CTNNBL1: variants seen among roughly 807,000 people sequenced by gnomAD.
The protein encoded by CTNNBL1 is beta-catenin-like protein 1.
In CTNNBL1, 31 loss-of-function variants were observed where a neutral mutation model predicts 72.7. That is an observed-to-expected ratio of 0.43 (90% CI 0.32 to 0.58). CTNNBL1 has a LOEUF of 0.58. CTNNBL1 is among the 20% of genes least tolerant of loss of function. The pLI is 0.08. For missense variants in CTNNBL1, 534 were observed against 725.1 expected, an observed-to-expected ratio of 0.74 and a Z score of 3.03; for synonymous variants, 240 against 267.3, an observed-to-expected ratio of 0.90 and a Z score of 1.00.
At chr20:37,708,121 A>G (rs901101113) in intron 1 of CTNNBL1, among the ~76,000 whole-genome samples, 1 of 152,224 alleles carries the variant, frequency 6.6e-6, no homozygotes, top group Non-Finnish European at 1.5e-5. Context: ...ACATTGCAGT[A>G]ATTGTCAAAA....
chr20:37,785,480 G>A (rs1418893524), intron 10 of CTNNBL1, among the ~76,000 whole-genome samples: 1 of 152,088 alleles, frequency 6.6e-6, no homozygotes, highest in East Asian at 1.9e-4. Flanking sequence ...GTCTTTGACT[G>A]TATTTTCAAA....
intron 11 of CTNNBL1, among the ~76,000 whole-genome samples, chr20:37,814,304 C>G (rs938690901): frequency 6.6e-6 from 1 of 152,084 alleles, no homozygotes; most frequent in African/African-American, 2.4e-5. Flanking sequence ...GTCAGTAGTC[C>G]TGGCCCCAGT....
chr20:37,716,525 A>G (rs1407378081), intron 1 of CTNNBL1, among the ~76,000 whole-genome samples: 1 of 152,142 alleles, frequency 6.6e-6, no homozygotes, highest in East Asian at 1.9e-4. Flanking sequence ...AAATGGAGGT[A>G]TTTTGCTAGC....
intron 1 of CTNNBL1, among the ~76,000 whole-genome samples, chr20:37,700,666 T>C (rs2072833014): frequency 6.6e-6 from 1 of 152,226 alleles, no homozygotes; most frequent in Non-Finnish European, 1.5e-5. Context: ...GTGCCTTGGC[T>C]GAGAAGTTTC....
chr20:37,712,512 T>C (rs186233302), intron 1 of CTNNBL1, among the ~76,000 whole-genome samples: 302 of 152,372 alleles, frequency 2.0e-3, no homozygotes, highest in Non-Finnish European at 1.5e-3. Flanking sequence ...TTCTAGTTAC[T>C]TCCAGGCCAT....
At chr20:37,833,983 G>C (rs1378243364) in intron 11 of CTNNBL1, among the ~76,000 whole-genome samples, 1 of 152,182 alleles carries the variant, frequency 6.6e-6, no homozygotes, top group Non-Finnish European at 1.5e-5. Flanking sequence ...TCCAGATAGA[G>C]AGGTAGAAGG....
rs78232487 is a variant in CTNNBL1 at position 37,755,765 on chromosome 20, C to A, written c.467-1794C>A. 8.6e-3 allele frequency among the ~76,000 whole-genome samples: 1,306 copies of A among 152,170 alleles called. 18 individuals are homozygous for A. The highest frequency in any genetic ancestry group is 0.03 in the African/African-American group (1,233 of 41,532). ...GCCCTGATTCTGACCTTTGTTGAAT[C>A]TTCTGGATTCTGTTGTATGTAGTAG... On this transcript the variant is annotated intron_variant, in intron 4 of 15. Coordinates refer to ENST00000361383, the MANE Select transcript of CTNNBL1 (RefSeq NM_030877.5).
Position 37,779,198 on chromosome 20 carries a change from A to G in CTNNBL1, c.894A>G (p.Arg298=). 1 of 1,613,290 alleles carries G rather than the reference A, an allele frequency of 6.2e-7. No individual in the cohort carries two copies. The highest frequency in any genetic ancestry group is 8.5e-7 in the Non-Finnish European group (1 of 1,179,626). The change falls in exon 10 of 16, where the codon AGA becomes AGG. Residue 298 remains arginine (R), a synonymous_variant. Transcript: ENST00000361383. The part of the protein sequence containing the change: ...VLLQQLSVFK[R]HNPSTAEEQE... ...TTTTTGCTTGACAGGTGTTTAAAAG[A>G]CACAATCCCAGCACGGCTGAGGAGC...
intron 6 of CTNNBL1, among the ~76,000 whole-genome samples, chr20:37,766,558 G>T: frequency 6.6e-6 from 1 of 152,212 alleles, no homozygotes; most frequent in Admixed American, 6.5e-5. Flanking sequence ...TGGGAATGAA[G>T]AGGAAGAGCC....
chr20:37,802,947 A>T lies in CTNNBL1; in HGVS notation c.1112A>T (p.His371Leu). Residue 371 changes from histidine to leucine, a missense_variant, in exon 11 of 16, where the codon CAT becomes CTT. Physicochemically the swap from His to Leu is moderately conservative, Grantham distance 99. Coordinates refer to ENST00000361383, the MANE Select transcript of CTNNBL1 (RefSeq NM_030877.5). ...GGCCCCGAAGGCACAGACAACTGCC[A>T]TAAGTTTGTTGACATTCTTGGCTTA... ...MIGPEGTDNC[H>L]KFVDILGLRT... The T allele has an allele frequency of 6.2e-7, 1 of 1,614,142 alleles. No individual in the cohort carries two copies. The highest frequency in any genetic ancestry group is 1.1e-5 in the South Asian group (1 of 91,086).
chr20:37,718,702 T>C (rs2073015426), intron 1 of CTNNBL1, among the ~76,000 whole-genome samples: 1 of 152,210 alleles, frequency 6.6e-6, no homozygotes, highest in Admixed American at 6.5e-5. Flanking sequence ...CAGATGACAC[T>C]AGACTCTTCT....
chr20:37,763,580 C>T (rs888599667), intron 5 of CTNNBL1, among the ~76,000 whole-genome samples: 2 of 152,192 alleles, frequency 1.3e-5, no homozygotes, highest in Non-Finnish European at 2.9e-5. Context: ...GTTTCAAGAT[C>T]TATGCCACCT....
rs1600543933 is a variant in CTNNBL1, at chr20:37,872,072, T to C, written c.*59T>C. 12 of 1,393,010 alleles carry C rather than the reference T, an allele frequency of 8.6e-6. No homozygotes were observed. Among genetic ancestry groups the C allele is most frequent in the East Asian group, 2.3e-5 (1 of 43,736 alleles). The allele number at this position is 1,393,010 out of a possible 1,614,324, so 86.3% of individuals were successfully genotyped here. ...CAGCTTCCCTCCCAGGATCAGTTTC[T>C]ACACAACTCTGTGTGGCTTTTGGAC... On this transcript the variant is annotated 3_prime_UTR_variant, in exon 16 of 16. Coordinates refer to ENST00000361383, the MANE Select transcript of CTNNBL1 (RefSeq NM_030877.5).
chr20:37,861,500 A>C (rs2072491617), intron 15 of CTNNBL1, among the ~76,000 whole-genome samples: 1 of 152,216 alleles, frequency 6.6e-6, no homozygotes, highest in Admixed American at 6.5e-5. Context: ...GTAACTCTAG[A>C]CAAATCAGTG....
chr20:37,829,896 A>T (rs1286289170), intron 11 of CTNNBL1, among the ~76,000 whole-genome samples: 1 of 152,166 alleles, frequency 6.6e-6, no homozygotes. Context: ...CAGTAGTGCG[A>T]TCATGGCTCA....
In CTNNBL1 at chr20:37,796,446, C is replaced by CTT. The variant is rs199760235; in HGVS notation, c.1032-6405_1032-6404dup. ...GTCTAAAAACCATTGTTTTGTTCAT[C>CTT]TTTTTTTTTTTTTTTTTAACTTTCA... On this transcript the variant is annotated intron_variant, in intron 10 of 15. Transcript: ENST00000361383. Among the ~76,000 whole-genome samples, 20 of 137,796 alleles carry CTT rather than the reference C, an allele frequency of 1.5e-4. No homozygotes were observed. The South Asian group carries it at 2.9e-3, about 20-fold the overall frequency. The allele number at this position is 137,796 out of a possible 152,430, so 90.4% of individuals were successfully genotyped here.
chr20:37,799,467 T>G (rs893911067), intron 10 of CTNNBL1, among the ~76,000 whole-genome samples: 1 of 152,120 alleles, frequency 6.6e-6, no homozygotes, highest in Non-Finnish European at 1.5e-5. Context: ...CAGCCACCAC[T>G]CCCAACAGTG....
intron 15 of CTNNBL1, among the ~76,000 whole-genome samples, chr20:37,864,958 G>A (rs16986995): frequency 0.013 from 1,968 of 152,170 alleles, 46 homozygotes; most frequent in African/African-American, 0.045. Flanking sequence ...CTAGAAAGTG[G>A]GGTAACAAGG....
chr20:37,775,255 G>C (rs966671259), intron 7 of CTNNBL1, among the ~76,000 whole-genome samples: 3 of 152,002 alleles, frequency 2.0e-5, no homozygotes, highest in Non-Finnish European at 2.9e-5. Flanking sequence ...GTGCCTTTTG[G>C]TACTGCTCAA....
Sources: gnomAD v4.1 joint callset for allele counts (sites outside exome capture counted in the v4.1 genomes callset) on GRCh38, gnomAD v4.1.1 for gene constraint, MANE v1.5 for transcripts, NCBI Gene and HGNC (gene_info 2026-07-23, HGNC 2026-07-21) for gene names.